Variants in DENND5B observed in about 807,000 individuals in gnomAD.
DENND5B encodes the protein DENN domain-containing protein 5B.
In DENND5B, 34 loss-of-function variants were observed where a neutral mutation model predicts 140.6. That is an observed-to-expected ratio of 0.24 (90% confidence interval 0.18 to 0.32). The LOEUF is 0.32. DENND5B is among the 10% of genes least tolerant of loss of function. The pLI, the probability that DENND5B is intolerant of heterozygous loss-of-function variation, is 1.00. For missense variants in DENND5B, 1,142 were observed against 1,560.2 expected (o/e 0.73, Z 4.52); for synonymous variants, 551 against 562.1 (o/e 0.98, Z 0.28).
Position 31,579,958 on chromosome 12 carries a change from GAAAAAAATATATAT to G in DENND5B, c.127+10734_127+10747del, listed in dbSNP as rs923173066. Among the ~76,000 whole-genome samples, 88 of 147,592 alleles carry G rather than the reference GAAAAAAATATATAT, an allele frequency of 6.0e-4. 1 individual carries two copies. Among genetic ancestry groups the G allele is most frequent in the African/African-American group, 1.9e-3 (77 of 40,796 alleles). ...AAAGCACAATAGGAGAGTATAAACA[GAAAAAAATATATAT>G]AAAAAAATATATATATAGGATTAAA... On this transcript the variant is annotated intron_variant, in intron 1 of 20. Transcript: ENST00000389082.
intron 1 of DENND5B, among the ~76,000 whole-genome samples, chr12:31,588,309 C>T (rs1226948313): frequency 2.0e-5 from 3 of 152,170 alleles, no homozygotes; most frequent in Non-Finnish European, 4.4e-5. Flanking sequence ...ACCCCACCAT[C>T]CCACCACTCT....
chr12:31,535,233 T>A, intron 1 of DENND5B: 1 of 221,596 alleles, frequency 4.5e-6, no homozygotes, highest in Non-Finnish European at 8.9e-6. Flanking sequence ...CCTCTTGTGC[T>A]ATCAGCTCAG....
intron 11 of DENND5B, among the ~76,000 whole-genome samples, chr12:31,418,373 C>T (rs1364984916): frequency 4.0e-5 from 6 of 150,120 alleles, no homozygotes; most frequent in Non-Finnish European, 7.4e-5. Flanking sequence ...CCTCCACCTC[C>T]GGGCTAAGCG....
intron 3 of DENND5B, among the ~76,000 whole-genome samples, chr12:31,469,258 T>G (rs566861849): frequency 6.8e-6 from 1 of 146,796 alleles, no homozygotes; most frequent in Admixed American, 7.1e-5. Context: ...CACCTGAACC[T>G]GGAGGCAAAG....
At chr12:31,414,893 G>A (rs1048333147) in intron 12 of DENND5B, among the ~76,000 whole-genome samples, 1 of 148,594 alleles carries the variant, frequency 6.7e-6, no homozygotes, top group African/African-American at 2.5e-5. Context: ...CTGCACTCCA[G>A]CCTGGGCAAC....
In DENND5B at chr12:31,420,445, ATTT is replaced by A. The variant is rs3032941; in HGVS notation, c.2470+3149_2470+3151del. Among the ~76,000 whole-genome samples the A allele has an allele frequency of 7.5e-4, 109 of 145,222 alleles. 1 individual carries two copies. The highest frequency in any genetic ancestry group is 6.9e-3 in the Middle Eastern group (2 of 288). ...GGTCACCATATCCAGCCTCCCAACA[ATTT>A]TTTTTTTTTTTTTGAGACAGCATCT... On this transcript the variant is annotated intron_variant, in intron 11 of 20. Transcript: ENST00000389082.
At chr12:31,423,522 G>A in intron 11 of DENND5B, 75 bp downstream of exon 11, 1 of 1,458,330 alleles carries the variant, frequency 6.9e-7, no homozygotes, top group Non-Finnish European at 9.4e-7. Context: ...GAGAGAAAGA[G>A]ATCAAGACAA....
intron 1 of DENND5B, chr12:31,500,680 A>C (rs1410498213): frequency 5.2e-4 from 24 of 45,938 alleles, no homozygotes; most frequent in Admixed American, 3.2e-3. Context: ...ACTGTCACAA[A>C]AAAAAAAAAA....
In DENND5B at chr12:31,452,352, G is replaced by T. The variant is rs765075617; in HGVS notation, c.1217C>A (p.Pro406His). ...ACTGCAATGTAGGCTGCCCTCAGGA[G>T]GGATCCCAAATTGAACAAGAACCTC... ...LSEVLVQFGI[P>H]PEGSLHCSES... The change falls in exon 5 of 21, where the codon CCT becomes CAT. Residue 406 changes from proline (P) to histidine (H), a missense_variant. Pro to His is a moderately conservative substitution (Grantham distance 77, BLOSUM62 -2). This residue lies in a region of DENND5B where 708 missense variants were observed against 905.5 expected (regional missense o/e 0.78). Coordinates refer to ENST00000389082, the MANE Select transcript of DENND5B (RefSeq NM_144973.4). The T allele has an allele frequency of 5.0e-6, 8 of 1,613,818 alleles. No homozygotes were observed. The South Asian group carries it at 7.7e-5, about 16-fold the overall frequency.
chr12:31,425,851 G>A (rs1297948186), intron 9 of DENND5B, among the ~76,000 whole-genome samples: 7 of 152,186 alleles, frequency 4.6e-5, no homozygotes, highest in Non-Finnish European at 7.3e-5. Flanking sequence ...TTTCTGAGAG[G>A]AGAACGTTGT....
At chr12:31,433,053 T>C in intron 8 of DENND5B, 102 bp downstream of exon 8, 2 of 1,019,812 alleles carry the variant, frequency 2.0e-6, no homozygotes, top group South Asian at 2.9e-5. Flanking sequence ...ACAGTTTTTT[T>C]TTTAAAGAAC....
chr12:31,529,412 T>A (rs1183541147), intron 1 of DENND5B, among the ~76,000 whole-genome samples: 10 of 152,152 alleles, frequency 6.6e-5, no homozygotes. Context: ...AATTTAAAAA[T>A]GTATGCAGCT....
chr12:31,498,784 C>A (rs926447366), intron 1 of DENND5B, among the ~76,000 whole-genome samples: 17 of 151,836 alleles, frequency 1.1e-4, no homozygotes, highest in Non-Finnish European at 1.0e-4. Context: ...ACCAGCCTGG[C>A]GAACGTGCTG....
At chr12:31,449,670 G>C (rs1275994596) in intron 5 of DENND5B, among the ~76,000 whole-genome samples, 1 of 151,296 alleles carries the variant, frequency 6.6e-6, no homozygotes, top group African/African-American at 2.4e-5. Context: ...GAAGTATCAG[G>C]GCTTGATTTA....
intron 1 of DENND5B, among the ~76,000 whole-genome samples, chr12:31,512,845 C>T (rs1205791455): frequency 6.6e-6 from 1 of 152,110 alleles, no homozygotes; most frequent in African/African-American, 2.4e-5. Flanking sequence ...TACCCTAAAA[C>T]CAGTTTCTCC....
chr12:31,536,810 TAAAG>T (rs912396053), intron 1 of DENND5B, among the ~76,000 whole-genome samples: 8 of 152,038 alleles, frequency 5.3e-5, no homozygotes, highest in African/African-American at 1.9e-4. Context: ...AGGTCAAGGA[TAAAG>T]AAAGAATCCT....
intron 1 of DENND5B, among the ~76,000 whole-genome samples, chr12:31,559,912 TTA>T: frequency 6.6e-6 from 1 of 152,258 alleles, no homozygotes; most frequent in East Asian, 1.9e-4. Flanking sequence ...CCTTCCTTCT[TTA>T]CTGTTCTATT....
At chr12:31,460,681 C>T (rs1018995126) in intron 3 of DENND5B, among the ~76,000 whole-genome samples, 9 of 152,282 alleles carry the variant, frequency 5.9e-5, no homozygotes, top group African/African-American at 1.7e-4. Context: ...ACTAATAAAA[C>T]TGCTCTTGGC....
At chr12:31,574,627 G>A (rs139537732) in intron 1 of DENND5B, among the ~76,000 whole-genome samples, 123 of 152,058 alleles carry the variant, frequency 8.1e-4, no homozygotes, top group Middle Eastern at 3.4e-3. Context: ...AGGTGGAGGG[G>A]GAATTTTGGA....
Sources: gnomAD v4.1 joint callset for allele counts (sites outside exome capture counted in the v4.1 genomes callset) on GRCh38, gnomAD v4.1.1 for gene constraint, gnomAD v4.1.1 regional missense constraint, MANE v1.5 for transcripts, NCBI Gene and HGNC (gene_info 2026-07-23, HGNC 2026-07-21) for gene names.